Variants in EVI5 observed in about 807,000 individuals in gnomAD.
EVI5 encodes the protein ecotropic viral integration site 5 protein homolog.
In EVI5, 73 loss-of-function variants were observed where a neutral mutation model predicts 112.0. That is an observed-to-expected ratio of 0.65 (90% CI 0.54 to 0.79). The LOEUF (loss-of-function observed/expected upper bound fraction) is 0.79. Ranked by LOEUF, EVI5 falls within the 30% of genes least tolerant of loss-of-function variation. EVI5 has a pLI of 0.00. For synonymous variants in EVI5, 305 were observed against 319.9 expected, an observed-to-expected ratio of 0.95 and a Z score of 0.50; for missense variants, 900 against 968.8, an observed-to-expected ratio of 0.93 and a Z score of 0.94.
intron 18 of EVI5, among the ~76,000 whole-genome samples, chr1:92,581,219 T>C (rs1182664825): frequency 1.3e-5 from 2 of 152,188 alleles, no homozygotes; most frequent in East Asian, 1.9e-4. Context: ...CTCAGGAAAA[T>C]GCACAGTGAA....
chr1:92,730,934 A>G (rs1025321732), intron 2 of EVI5, among the ~76,000 whole-genome samples: 1 of 152,172 alleles, frequency 6.6e-6, no homozygotes, highest in Non-Finnish European at 1.5e-5. Flanking sequence ...TCATCTACAT[A>G]GCAAATCTAA....
At chr1:92,753,377 A>G (rs1186877879) in intron 1 of EVI5, among the ~76,000 whole-genome samples, 9 of 152,228 alleles carry the variant, frequency 5.9e-5, no homozygotes, top group African/African-American at 1.9e-4. Flanking sequence ...ACTCTCTAAT[A>G]GAAATATAAG....
At chr1:92,721,164 A>G (rs988753628) in intron 2 of EVI5, among the ~76,000 whole-genome samples, 18 of 152,216 alleles carry the variant, frequency 1.2e-4, no homozygotes, top group African/African-American at 4.1e-4. Context: ...TGACTCAGTG[A>G]TCCCATTACT....
chr1:92,637,044 G>T (rs1166223461), intron 13 of EVI5, among the ~76,000 whole-genome samples: 1 of 151,992 alleles, frequency 6.6e-6, no homozygotes, highest in Non-Finnish European at 1.5e-5. Flanking sequence ...ACAATAATGT[G>T]AACCATCTAA....
chr1:92,650,216 C>T (rs1377421563), intron 13 of EVI5, among the ~76,000 whole-genome samples: 3 of 152,044 alleles, frequency 2.0e-5, no homozygotes, highest in Non-Finnish European at 4.4e-5. Context: ...CTGCAAAAGT[C>T]CATGGGAATT....
intron 18 of EVI5, among the ~76,000 whole-genome samples, chr1:92,595,995 A>G (rs1402613872): frequency 6.6e-6 from 1 of 152,222 alleles, no homozygotes; most frequent in Non-Finnish European, 1.5e-5. Context: ...GGGTTTTCAT[A>G]CAAACAACAA....
At chr1:92,740,089 C>T (rs1299600432) in intron 1 of EVI5, among the ~76,000 whole-genome samples, 1 of 152,040 alleles carries the variant, frequency 6.6e-6, no homozygotes, top group Non-Finnish European at 1.5e-5. Context: ...TCTTTTTACC[C>T]TTCCTTAGAG....
At chr1:92,524,794 T>C (rs1661566747) in intron 19 of EVI5, among the ~76,000 whole-genome samples, 1 of 152,092 alleles carries the variant, frequency 6.6e-6, no homozygotes, top group African/African-American at 2.4e-5. Flanking sequence ...CTTAGGAATA[T>C]AGTCTTAGTT....
At chr1:92,685,981 T>G (rs577890585) in intron 9 of EVI5, among the ~76,000 whole-genome samples, 30 of 152,232 alleles carry the variant, frequency 2.0e-4, no homozygotes, top group African/African-American at 7.2e-4. Flanking sequence ...AAAAAGGAGC[T>G]TGCACCATTC....
chr1:92,681,783 GA>G (rs1464218024), intron 9 of EVI5, among the ~76,000 whole-genome samples: 1 of 152,156 alleles, frequency 6.6e-6, no homozygotes, highest in South Asian at 2.1e-4. Flanking sequence ...AGCCACATGT[GA>G]GTGACTAATT....
intron 16 of EVI5, among the ~76,000 whole-genome samples, chr1:92,608,406 A>T (rs1387216774): frequency 1.3e-5 from 2 of 152,144 alleles, no homozygotes; most frequent in Non-Finnish European, 2.9e-5. Flanking sequence ...AGCACAAACC[A>T]GTCAAAAGGT....
chr1:92,715,627 C>A (rs1288712653), intron 2 of EVI5, among the ~76,000 whole-genome samples: 1 of 152,128 alleles, frequency 6.6e-6, no homozygotes, highest in East Asian at 1.9e-4. Flanking sequence ...GGGTGCAGCC[C>A]ACAGAGGGCG....
At chr1:92,787,373 C>T (rs1685715999), upstream of EVI5, among the ~76,000 whole-genome samples, 1 of 152,074 alleles carries the variant, frequency 6.6e-6, no homozygotes, top group Non-Finnish European at 1.5e-5. Context: ...TTTGTAAGCA[C>T]CTGAATTAAT....
chr1:92,566,486 T>C (rs901021009), intron 18 of EVI5, among the ~76,000 whole-genome samples: 1 of 152,244 alleles, frequency 6.6e-6, no homozygotes, highest in Non-Finnish European at 1.5e-5. Flanking sequence ...TATAAATGTA[T>C]GGCATATACA....
intron 10 of EVI5, among the ~76,000 whole-genome samples, chr1:92,676,794 A>C (rs1474901623): frequency 1.3e-5 from 2 of 152,168 alleles, no homozygotes; most frequent in Non-Finnish European, 2.9e-5. Context: ...TATATGCTCT[A>C]TTTAATGTTT....
At chr1:92,707,179 C>CAAAA (rs1299441165) in intron 2 of EVI5, among the ~76,000 whole-genome samples, 32 of 26,534 alleles carry the variant, frequency 1.2e-3, no homozygotes, top group South Asian at 2.6e-3. Flanking sequence ...AACTCTGTCT[C>CAAAA]AAAAAAAAAA....
chr1:92,710,620 T>C (rs1672699461), intron 2 of EVI5, among the ~76,000 whole-genome samples: 1 of 152,138 alleles, frequency 6.6e-6, no homozygotes, highest in Admixed American at 6.5e-5. Flanking sequence ...ACATAAGACA[T>C]TGTTTTTCTA....
At chr1:92,633,380 G>C (rs980534478) in intron 14 of EVI5, among the ~76,000 whole-genome samples, 4 of 152,146 alleles carry the variant, frequency 2.6e-5, no homozygotes, top group African/African-American at 4.8e-5. Flanking sequence ...CATATATTTA[G>C]GATAGTTAGC....
chr1:92,625,930 T>G lies in EVI5; in HGVS notation c.1532A>C (p.Asn511Thr). The change falls in exon 15 of 20, where the codon AAT becomes ACT. Residue 511 changes from asparagine (N) to threonine (T), a missense_variant. Transcript: ENST00000684568. ...QDKVLDIEKR[N>T]NSLPDENNIA... is the part of the protein sequence containing the mutation. ...ATTATTCTCATCAGGAAGGGAGTTA[T>G]TCCTCTAAAGAAGAAGAAAATTTAA... The G allele has an allele frequency of 1.9e-6, 3 of 1,596,470 alleles. No individual in the cohort carries two copies. The highest frequency in any genetic ancestry group is 2.6e-6 in the Non-Finnish European group (3 of 1,166,994).
Sources: allele counts gnomAD v4.1 joint callset (sites outside exome capture counted in the v4.1 genomes callset), GRCh38; gene constraint gnomAD v4.1.1; transcripts MANE v1.5; gene names NCBI Gene and HGNC (gene_info 2026-07-23, HGNC 2026-07-21).